The following PCDH7 variants were observed in gnomAD, a reference collection of about 807,000 sequenced individuals.
PCDH7 encodes protocadherin-7.
PCDH7 carries 17 observed loss-of-function variants against 58.9 expected under a neutral mutation model. That is an observed-to-expected ratio of 0.29 (90% CI 0.20 to 0.43). The LOEUF (loss-of-function observed/expected upper bound fraction) is 0.43. PCDH7 is among the 20% of genes least tolerant of loss of function. The pLI, the probability that PCDH7 is intolerant of heterozygous loss-of-function variation, is 1.00. For missense variants in PCDH7, 1,274 were observed against 1,441.0 expected, an observed-to-expected ratio of 0.88 and a Z score of 1.88; for synonymous variants, 664 against 616.4, an observed-to-expected ratio of 1.08 and a Z score of -1.14.
intron 1 of PCDH7, among the ~76,000 whole-genome samples, chr4:30,880,730 G>C (rs35857516): frequency 6.6e-6 from 1 of 151,948 alleles, no homozygotes. Flanking sequence ...CAAGCAAATA[G>C]TTTCCTTTTT....
chr4:31,039,477 G>A (rs867431906), intron 3 of PCDH7, among the ~76,000 whole-genome samples: 1 of 152,080 alleles, frequency 6.6e-6, no homozygotes, highest in Non-Finnish European at 1.5e-5. Context: ...GTGCTCTACG[G>A]CCTTGAATTC....
intron 3 of PCDH7, among the ~76,000 whole-genome samples, chr4:31,046,233 C>T (rs1417541325): frequency 6.6e-6 from 1 of 151,870 alleles, no homozygotes; most frequent in African/African-American, 2.4e-5. Context: ...ATAATTTTTC[C>T]CTTTTCTTAT....
chr4:30,748,448 A>G (rs1184351755), intron 1 of PCDH7, among the ~76,000 whole-genome samples: 1 of 152,198 alleles, frequency 6.6e-6, no homozygotes, highest in African/African-American at 2.4e-5. Flanking sequence ...GAGTCCTCTC[A>G]TGTTGGAAGG....
chr4:30,812,353 T>G (rs1409852318), intron 1 of PCDH7, among the ~76,000 whole-genome samples: 1 of 152,222 alleles, frequency 6.6e-6, no homozygotes, highest in East Asian at 1.9e-4. Flanking sequence ...AAGTAATACT[T>G]GGAAATATAT....
chr4:30,908,123 T>C lies in PCDH7; in HGVS notation c.71-12030T>C, dbSNP rs1741221201. Among the ~76,000 whole-genome samples the C allele has an allele frequency of 2.0e-5, 3 of 151,560 alleles. 1 individual carries two copies. Among genetic ancestry groups the C allele is most frequent in the South Asian group, 4.2e-4 (2 of 4,814 alleles). ...CGGGGGTGAGGGGCTAGGGGAGGGATAGCATTAGGAGAAATACCTAAATTA... is the reference window on the plus strand; with the variant it reads ...CGGGGGTGAGGGGCTAGGGGAGGGACAGCATTAGGAGAAATACCTAAATTA... On this transcript the variant is annotated intron_variant, in intron 1 of 3. Coordinates refer to the PCDH7 transcript ENST00000509759.
intron 1 of PCDH7, among the ~76,000 whole-genome samples, chr4:30,858,785 C>T (rs893558893): frequency 4.6e-5 from 7 of 152,080 alleles, no homozygotes; most frequent in African/African-American, 1.4e-4. Flanking sequence ...TGTTATCATG[C>T]TGAGATTCCA....
intron 3 of PCDH7, among the ~76,000 whole-genome samples, chr4:30,971,591 C>A (rs1179170895): frequency 6.6e-6 from 1 of 152,170 alleles, no homozygotes; most frequent in African/African-American, 2.4e-5. Flanking sequence ...GAATTAACCC[C>A]TCTCTCCCTG....
intron 1 of PCDH7, among the ~76,000 whole-genome samples, chr4:30,818,633 T>C (rs1560401698): frequency 6.6e-6 from 1 of 152,172 alleles, no homozygotes; most frequent in Non-Finnish European, 1.5e-5. Flanking sequence ...AAATCAGGAC[T>C]GACTAGGAGG....
intron 3 of PCDH7, among the ~76,000 whole-genome samples, chr4:31,123,107 T>C (rs960668296): frequency 6.6e-6 from 1 of 152,152 alleles, no homozygotes; most frequent in African/African-American, 2.4e-5. Context: ...TGTACCTTTT[T>C]AAGCCACTTT....
intron 1 of PCDH7, among the ~76,000 whole-genome samples, chr4:30,808,561 A>C (rs1305889245): frequency 1.3e-5 from 2 of 152,164 alleles, no homozygotes; most frequent in Non-Finnish European, 2.9e-5. Context: ...CCTTCAGCTC[A>C]ACATTCATCC....
intron 1 of PCDH7, among the ~76,000 whole-genome samples, chr4:30,759,776 G>A (rs1374778393): frequency 6.6e-6 from 1 of 151,936 alleles, no homozygotes; most frequent in Non-Finnish European, 1.5e-5. Flanking sequence ...ATTAACAGTG[G>A]TTAAGTGCTA....
chr4:30,791,570 G>A (rs972782314), intron 1 of PCDH7, among the ~76,000 whole-genome samples: 5 of 152,102 alleles, frequency 3.3e-5, no homozygotes, highest in African/African-American at 1.2e-4. Context: ...ATTGTCAAAA[G>A]GTGAAATGCC....
At chr4:30,726,330 G>C in intron 1 of PCDH7, among the ~76,000 whole-genome samples, 1 of 151,956 alleles carries the variant, frequency 6.6e-6, no homozygotes, top group East Asian at 1.9e-4. Flanking sequence ...TTATCCTAAT[G>C]GTACTTCTGT....
At chr4:31,137,166 G>C (rs1435158564) in intron 3 of PCDH7, among the ~76,000 whole-genome samples, 1 of 152,154 alleles carries the variant, frequency 6.6e-6, no homozygotes, top group East Asian at 1.9e-4. Flanking sequence ...GAAAAAATAA[G>C]TCTTTGTGTA....
At chr4:30,810,106 T>C (rs1726780896) in intron 1 of PCDH7, among the ~76,000 whole-genome samples, 1 of 152,190 alleles carries the variant, frequency 6.6e-6, no homozygotes. Context: ...AACAAAAACC[T>C]AAAATACCTA....
rs753511967 is a variant in PCDH7 at position 30,722,526 on chromosome 4, C to A, written c.1104C>A (p.Ser368Arg). Reference sequence around the variant, plus strand: ...TTGACGAGACGTCCGGCTGGCTCAGCGTCCTGCACCGGATCGACCGCGAGG... The same window carrying A: ...TTGACGAGACGTCCGGCTGGCTCAGAGTCCTGCACCGGATCGACCGCGAGG... Residue 368 changes from serine (S) to arginine (R), a missense_variant, in exon 1 of 2, where the codon AGC (serine) becomes AGA (arginine). Coordinates refer to ENST00000361762, the Ensembl canonical transcript of PCDH7. This position sits in a 1 kb window ranked among gnomAD's most constrained non-coding sequence, Gnocchi z 7.6. 5 of 1,610,776 alleles carry A rather than the reference C, an allele frequency of 3.1e-6. No individual in the cohort carries two copies. Among genetic ancestry groups the A allele is most frequent in the Non-Finnish European group, 4.2e-6 (5 of 1,179,192 alleles).
Position 30,723,704 on chromosome 4 carries a change from C to G in PCDH7, c.2282C>G (p.Thr761Arg). 1 of 1,614,118 alleles carries G rather than the reference C, an allele frequency of 6.2e-7. No individual in the cohort carries two copies. The highest frequency in any genetic ancestry group is 8.5e-7 in the Non-Finnish European group (1 of 1,179,982). ...CTGCCACCTTCGAGTAATGTCAGGACAGTAGTAGCTACAGTGTTGGCAACA... is the reference window on the plus strand; with the variant it reads ...CTGCCACCTTCGAGTAATGTCAGGAGAGTAGTAGCTACAGTGTTGGCAACA... Residue 761 changes from threonine to arginine, a missense_variant, in exon 1 of 2, where the codon ACA (threonine) becomes AGA (arginine). Physicochemically the swap from Thr to Arg is moderately conservative, Grantham distance 71. Transcript: ENST00000361762. The surrounding 1 kb of genome is among the most constrained non-coding windows in gnomAD (Gnocchi z 4.6).
intron 2 of PCDH7, among the ~76,000 whole-genome samples, chr4:30,929,521 C>T (rs1006369775): frequency 4.6e-5 from 7 of 151,820 alleles, no homozygotes; most frequent in African/African-American, 1.7e-4. Flanking sequence ...AATTTAAATG[C>T]CTCCTCTGGA....
At chr4:30,930,560 C>T (rs1223461946) in intron 2 of PCDH7, among the ~76,000 whole-genome samples, 1 of 152,088 alleles carries the variant, frequency 6.6e-6, no homozygotes. Flanking sequence ...GTTATCCAAA[C>T]AGAATGTTGA....
Sources: gnomAD v4.1 joint callset for allele counts (sites outside exome capture counted in the v4.1 genomes callset) on GRCh38, gnomAD v4.1.1 for gene constraint, Gnocchi (gnomAD v3.1) non-coding constraint, MANE v1.5 for transcripts, NCBI Gene and HGNC (gene_info 2026-07-23, HGNC 2026-07-21) for gene names.